Variants in NRXN1 observed in about 807,000 individuals in gnomAD.
NRXN1 encodes neurexin-1.
NRXN1 carries 39 observed loss-of-function variants against 150.9 expected under a neutral mutation model. That is an observed-to-expected ratio of 0.26 (90% CI 0.20 to 0.34). The LOEUF (loss-of-function observed/expected upper bound fraction) is 0.34. NRXN1 is among the 10% of genes least tolerant of loss of function. The pLI is 1.00. For synonymous variants in NRXN1, 924 were observed against 757.0 expected (o/e 1.22, Z -3.62); for missense variants, 1,815 against 1,949.9 (o/e 0.93, Z 1.30).
At chr2:50,250,085 T>C (rs1324252523) in intron 17 of NRXN1, among the ~76,000 whole-genome samples, 1 of 152,162 alleles carries the variant, frequency 6.6e-6, no homozygotes, top group African/African-American at 2.4e-5. Flanking sequence ...TTAATTTAAA[T>C]CTCTTTTATA....
chr2:50,310,223 A>C (rs895659966), intron 17 of NRXN1, among the ~76,000 whole-genome samples: 3 of 152,146 alleles, frequency 2.0e-5, no homozygotes, highest in African/African-American at 7.2e-5. Flanking sequence ...GTTATTGCTC[A>C]CTTCTTTCAT....
rs1024770283 is a variant in NRXN1, at chr2:50,627,636, A to G, written c.833-4021T>C. ...CACAGACACACACACACACACACAC[A>G]CGAGAGATCCACTTATCTGAATATG... is the stretch of plus-strand genomic sequence containing the variant. On this transcript the variant is annotated intron_variant, in intron 5 of 22. Transcript: ENST00000401669. Among the ~76,000 whole-genome samples, 6 of 151,462 alleles carry G rather than the reference A, an allele frequency of 4.0e-5. No homozygotes were observed. The Admixed American group carries it at 4.0e-4, about 10-fold the overall frequency.
At chr2:50,204,404 C>T (rs915266362) in intron 18 of NRXN1, among the ~76,000 whole-genome samples, 1 of 150,102 alleles carries the variant, frequency 6.7e-6, no homozygotes, top group African/African-American at 2.4e-5. Context: ...GAGGAAAAGA[C>T]CTAAAAGATA....
At chr2:50,342,760 TAGTTTA>T (rs753307928) in intron 17 of NRXN1, among the ~76,000 whole-genome samples, 6 of 152,378 alleles carry the variant, frequency 3.9e-5, no homozygotes, top group African/African-American at 7.2e-5. Flanking sequence ...AGGACCCTCT[TAGTTTA>T]AGTTTAAGTT....
At chr2:50,004,283 T>A (rs1027054454) in intron 21 of NRXN1, among the ~76,000 whole-genome samples, 1 of 152,068 alleles carries the variant, frequency 6.6e-6, no homozygotes. Flanking sequence ...AATAAAATAT[T>A]TGTGGTAGTC....
At chr2:50,130,712 T>C (rs917619779) in intron 18 of NRXN1, among the ~76,000 whole-genome samples, 10 of 152,230 alleles carry the variant, frequency 6.6e-5, no homozygotes, top group African/African-American at 2.4e-4. Context: ...TCAGCTTTTA[T>C]ACTGTTTTCA....
At chr2:50,572,828 C>T (rs2105468655) in intron 8 of NRXN1, among the ~76,000 whole-genome samples, 1 of 152,276 alleles carries the variant, frequency 6.6e-6, no homozygotes, top group Non-Finnish European at 1.5e-5. Context: ...GTGGTCAAAA[C>T]CTACTAGGTA....
At chr2:50,722,975 G>C (rs1433476467) in intron 5 of NRXN1, among the ~76,000 whole-genome samples, 1 of 152,096 alleles carries the variant, frequency 6.6e-6, no homozygotes, top group Non-Finnish European at 1.5e-5. Context: ...GGGATGCTGA[G>C]CTAGAGTCAT....
At chr2:50,969,321 T>C (rs776100916) in intron 2 of NRXN1, among the ~76,000 whole-genome samples, 1 of 152,174 alleles carries the variant, frequency 6.6e-6, no homozygotes, top group Non-Finnish European at 1.5e-5. Flanking sequence ...TCTAGAACAC[T>C]GCCTGGCACA....
intron 21 of NRXN1, chr2:50,023,581 G>C (rs1482297007): frequency 3.9e-5 from 6 of 152,174 alleles, no homozygotes; most frequent in Admixed American, 3.9e-4. Flanking sequence ...GGTTTAATCA[G>C]CACCACATTC....
Position 50,060,940 on chromosome 2 carries a change from C to G in NRXN1, c.3719-5896G>C, listed in dbSNP as rs114266818. On this transcript the variant is annotated intron_variant, in intron 19 of 22. Transcript: ENST00000401669. The stretch of plus-strand genomic sequence containing the variant: ...AAATGGAAACATTGTGAAGACACAT[C>G]TAAATAAAGTACAGCGACAATGTCT... 9.1e-3 allele frequency among the ~76,000 whole-genome samples: 1,378 copies of G among 152,260 alleles called. 28 individuals are homozygous for G. The highest frequency in any genetic ancestry group is 0.032 in the African/African-American group (1,322 of 41,550).
rs192265294 is a variant in NRXN1 at position 49,925,045 on chromosome 2, A to C, written c.4217-2794T>G. Among the ~76,000 whole-genome samples the C allele has an allele frequency of 2.2e-4, 34 of 152,220 alleles. 1 individual carries two copies. In the East Asian group the frequency reaches 4.6e-3, roughly 21 times the overall value. ...GGTGGCTCACATCTGTAATCCCAGC[A>C]CTTTGGGAGGCCGAGGCGAGTGGAT... On this transcript the variant is annotated intron_variant, in intron 22 of 22. Transcript: ENST00000401669.
At chr2:50,622,192 G>A (rs1680147011) in intron 6 of NRXN1, among the ~76,000 whole-genome samples, 1 of 152,112 alleles carries the variant, frequency 6.6e-6, no homozygotes, top group African/African-American at 2.4e-5. Flanking sequence ...TGGAAGGTCT[G>A]GGGTTCTCAA....
intron 5 of NRXN1, among the ~76,000 whole-genome samples, chr2:50,676,377 C>G (rs939023663): frequency 6.6e-6 from 1 of 151,980 alleles, no homozygotes; most frequent in African/African-American, 2.4e-5. Flanking sequence ...ACACAAGTCC[C>G]GAAGAAGAAG....
intron 17 of NRXN1, among the ~76,000 whole-genome samples, chr2:50,360,309 G>C (rs1572676208): frequency 6.6e-6 from 1 of 152,314 alleles, no homozygotes; most frequent in East Asian, 1.9e-4. Context: ...CGAAAGGCAA[G>C]ACTGGCAAAT....
intron 2 of NRXN1, among the ~76,000 whole-genome samples, chr2:50,975,033 A>C (rs1299395348): frequency 6.6e-6 from 1 of 152,052 alleles, no homozygotes. Flanking sequence ...TGGAACACCC[A>C]AGACTCTTCC....
At chr2:50,011,603 A>G (rs1254850004) in intron 21 of NRXN1, among the ~76,000 whole-genome samples, 4 of 152,076 alleles carry the variant, frequency 2.6e-5, no homozygotes, top group Non-Finnish European at 5.9e-5. Flanking sequence ...TATTTATATA[A>G]TTTTATAAAA....
intron 21 of NRXN1, among the ~76,000 whole-genome samples, chr2:50,040,243 TTAAGAGA>T (rs1187931418): frequency 1.3e-5 from 2 of 151,930 alleles, no homozygotes; most frequent in Admixed American, 6.6e-5. Context: ...ATGTGGATAC[TTAAGAGA>T]TAAGAGATAT....
At chr2:49,999,034 A>T (rs2152531006) in intron 21 of NRXN1, among the ~76,000 whole-genome samples, 1 of 115,234 alleles carries the variant, frequency 8.7e-6, no homozygotes, top group African/African-American at 2.9e-5. Context: ...ACTACAATTA[A>T]TCTGGGGATC....
Sources: allele counts gnomAD v4.1 joint callset (sites outside exome capture counted in the v4.1 genomes callset), GRCh38; gene constraint gnomAD v4.1.1; transcripts MANE v1.5; gene names NCBI Gene and HGNC (gene_info 2026-07-23, HGNC 2026-07-21).